CCSER1: variants seen among roughly 807,000 people sequenced by gnomAD.
CCSER1 encodes the protein serine-rich coiled-coil domain-containing protein 1.
In CCSER1, 41 loss-of-function variants were observed where a neutral mutation model predicts 82.0. The observed-to-expected ratio is 0.50, with a 90% CI of 0.39 to 0.65. CCSER1 has a LOEUF of 0.65. Ranked by LOEUF, CCSER1 falls within the 30% of genes least tolerant of loss-of-function variation. CCSER1 has a pLI of 0.00. For synonymous variants in CCSER1, 414 were observed against 383.9 expected (o/e 1.08, Z -0.92); for missense variants, 1,119 against 1,064.2 (o/e 1.05, Z -0.72).
At chr4:91,434,642 T>C (rs1337931285) in intron 10 of CCSER1, among the ~76,000 whole-genome samples, 1 of 152,238 alleles carries the variant, frequency 6.6e-6, no homozygotes, top group Non-Finnish European at 1.5e-5. Context: ...TGAAGATTGA[T>C]GGCAGTTTTT....
rs555943008 is a variant in CCSER1 at position 90,524,567 on chromosome 4, C to A, written c.1724+56213C>A. Among the ~76,000 whole-genome samples the A allele has an allele frequency of 2.6e-5, 4 of 152,258 alleles. No individual in the cohort carries two copies. The East Asian group carries it at 7.7e-4, about 29-fold the overall frequency. On this transcript the variant is annotated intron_variant, in intron 5 of 10. Coordinates refer to ENST00000509176, the MANE Select transcript of CCSER1 (RefSeq NM_001145065.2). ...CACTGCAACCTCAGCCTCCCAGGTA[C>A]AAGCGATTCTCCTGCCTCAACCTCC...
chr4:90,791,837 A>ACG (rs1294350870), intron 7 of CCSER1, among the ~76,000 whole-genome samples: 2 of 146,724 alleles, frequency 1.4e-5, no homozygotes, highest in African/African-American at 2.4e-5. Flanking sequence ...AAAAAAACAC[A>ACG]CACACACACA....
At chr4:90,773,411 A>G (rs1752493504) in intron 7 of CCSER1, among the ~76,000 whole-genome samples, 1 of 152,216 alleles carries the variant, frequency 6.6e-6, no homozygotes, top group South Asian at 2.1e-4. Flanking sequence ...AGGGAACCTT[A>G]GGCAAGCAAC....
chr4:91,174,845 T>C (rs1056877965), intron 10 of CCSER1, among the ~76,000 whole-genome samples: 1 of 151,502 alleles, frequency 6.6e-6, no homozygotes, highest in African/African-American at 2.4e-5. Context: ...TATTATACTT[T>C]AATTTCTAGG....
chr4:91,487,060 CATT>C (rs1758261652), intron 10 of CCSER1, among the ~76,000 whole-genome samples: 1 of 151,838 alleles, frequency 6.6e-6, no homozygotes, highest in Non-Finnish European at 1.5e-5. Flanking sequence ...GCATATAGGC[CATT>C]ATTAAAGAAA....
At chr4:90,407,905 C>T (rs531172353) in intron 4 of CCSER1, among the ~76,000 whole-genome samples, 80 of 152,234 alleles carry the variant, frequency 5.3e-4, no homozygotes, top group South Asian at 8.3e-4. Flanking sequence ...GGGTGACAGA[C>T]GGCATCTGGA....
chr4:91,128,981 C>G (rs894714994), intron 10 of CCSER1, among the ~76,000 whole-genome samples: 4 of 151,950 alleles, frequency 2.6e-5, no homozygotes, highest in African/African-American at 9.7e-5. Context: ...GAAGGTATAG[C>G]GATATAAGGT....
At chr4:91,123,270 C>T (rs1006736738) in intron 10 of CCSER1, among the ~76,000 whole-genome samples, 3 of 151,552 alleles carry the variant, frequency 2.0e-5, no homozygotes, top group African/African-American at 7.3e-5. Flanking sequence ...TTCATTATAG[C>T]ACTGTAACTT....
intron 10 of CCSER1, among the ~76,000 whole-genome samples, chr4:91,475,578 G>C (rs1299834898): frequency 1.3e-5 from 2 of 151,718 alleles, no homozygotes; most frequent in African/African-American, 4.8e-5. Flanking sequence ...AGTAAAAGTT[G>C]ACCCCCTGCC....
intron 10 of CCSER1, among the ~76,000 whole-genome samples, chr4:91,571,481 G>A (rs1383128873): frequency 6.6e-6 from 1 of 152,098 alleles, no homozygotes; most frequent in East Asian, 1.9e-4. Flanking sequence ...GGGAGGCCTT[G>A]GGAAACTTAC....
chr4:90,543,657 G>A (rs1421595779), intron 5 of CCSER1, among the ~76,000 whole-genome samples: 4 of 152,174 alleles, frequency 2.6e-5, no homozygotes, highest in African/African-American at 9.6e-5. Flanking sequence ...TTGCTTATCA[G>A]GCATAGAGTG....
At chr4:90,444,306 C>A (rs1760322018) in intron 4 of CCSER1, among the ~76,000 whole-genome samples, 1 of 151,954 alleles carries the variant, frequency 6.6e-6, no homozygotes, top group South Asian at 2.1e-4. Context: ...ATTCTTTGTT[C>A]TTTTTCAATA....
At chr4:90,873,261 T>G (rs1766792745) in intron 8 of CCSER1, among the ~76,000 whole-genome samples, 1 of 152,108 alleles carries the variant, frequency 6.6e-6, no homozygotes, top group East Asian at 1.9e-4. Context: ...TGCTTCATTC[T>G]TTTTAATTCT....
intron 10 of CCSER1, among the ~76,000 whole-genome samples, chr4:91,205,845 A>G (rs552448899): frequency 1.3e-5 from 2 of 152,018 alleles, no homozygotes; most frequent in Admixed American, 6.6e-5. Context: ...ATAAATAACA[A>G]ATATTTATTG....
intron 5 of CCSER1, among the ~76,000 whole-genome samples, chr4:90,560,029 C>T (rs1778578554): frequency 6.6e-6 from 1 of 151,916 alleles, no homozygotes; most frequent in African/African-American, 2.4e-5. Context: ...AGCAGCAGCA[C>T]TCTCTTTCAC....
intron 7 of CCSER1, among the ~76,000 whole-genome samples, chr4:90,745,164 A>G (rs1328195531): frequency 6.6e-6 from 1 of 152,116 alleles, no homozygotes; most frequent in Non-Finnish European, 1.5e-5. Flanking sequence ...GAAGGCTATA[A>G]GGGACAGTTT....
chr4:91,024,517 G>A (rs1416622736), intron 9 of CCSER1, among the ~76,000 whole-genome samples: 1 of 151,932 alleles, frequency 6.6e-6, no homozygotes, highest in East Asian at 1.9e-4. Flanking sequence ...CCTTTTATTA[G>A]TAGAACTCTG....
intron 9 of CCSER1, among the ~76,000 whole-genome samples, chr4:90,936,846 C>T (rs1409387063): frequency 6.6e-6 from 1 of 151,748 alleles, no homozygotes; most frequent in African/African-American, 2.4e-5. Flanking sequence ...TTTTGCAGAC[C>T]TTTTTTAAAG....
chr4:90,821,694 GCAT>G (rs1310915094), intron 8 of CCSER1, among the ~76,000 whole-genome samples: 20 of 152,118 alleles, frequency 1.3e-4, no homozygotes, highest in Middle Eastern at 6.9e-3. Context: ...TTAAATATTT[GCAT>G]CATAAGTTTA....
Sources: allele counts gnomAD v4.1 joint callset (sites outside exome capture counted in the v4.1 genomes callset), GRCh38; gene constraint gnomAD v4.1.1; transcripts MANE v1.5; gene names NCBI Gene and HGNC (gene_info 2026-07-23, HGNC 2026-07-21).